PDE4D: variants seen among roughly 807,000 people sequenced by gnomAD.
The protein encoded by PDE4D is phosphodiesterase 4D, also known as 3',5'-cyclic-AMP phosphodiesterase 4D.
PDE4D carries 24 observed loss-of-function variants against 87.4 expected under a neutral mutation model. The observed-to-expected ratio is 0.27, with a 90% CI of 0.20 to 0.39. PDE4D has a LOEUF of 0.39. PDE4D is among the 10% of genes least tolerant of loss of function. The pLI is 1.00. For missense variants in PDE4D, 714 were observed against 1,041.0 expected (o/e 0.69, Z 4.32); for synonymous variants, 384 against 383.2 (o/e 1.00, Z -0.02).
intron 1 of PDE4D, among the ~76,000 whole-genome samples, chr5:59,797,336 A>C (rs1474106438): frequency 1.3e-5 from 2 of 152,218 alleles, no homozygotes; most frequent in East Asian, 1.9e-4. Context: ...TTGGCTTTGC[A>C]CTAAGAGGAT....
intron 1 of PDE4D, among the ~76,000 whole-genome samples, chr5:60,228,730 C>CAAAAAACA (rs1159510855): frequency 8.6e-5 from 13 of 151,344 alleles, no homozygotes; most frequent in African/African-American, 2.9e-4. Context: ...AAACAAAAAA[C>CAAAAAACA]AAAAAACAAA....
chr5:59,140,176 T>C (rs1366169077), intron 5 of PDE4D, among the ~76,000 whole-genome samples: 1 of 152,224 alleles, frequency 6.6e-6, no homozygotes, highest in African/African-American at 2.4e-5. Context: ...CTAGAGGACA[T>C]CATACTTCTC....
chr5:59,470,320 T>C lies in PDE4D; in HGVS notation c.456-254352A>G, dbSNP rs531975587. 2.5e-4 allele frequency among the ~76,000 whole-genome samples: 38 copies of C among 152,246 alleles called. 1 individual carries two copies. The highest frequency in any genetic ancestry group is 9.1e-4 in the African/African-American group (38 of 41,546). ...AGGAAAAAAAAAATCACACAAAATA[T>C]ATTATTTGAATTGGTCTGTGCCACT... On this transcript the variant is annotated intron_variant, in intron 1 of 14. Coordinates refer to ENST00000340635, the MANE Select transcript of PDE4D (RefSeq NM_001104631.2).
chr5:60,061,615 G>A (rs1462969914), intron 2 of PDE4D, among the ~76,000 whole-genome samples: 2 of 151,976 alleles, frequency 1.3e-5, no homozygotes, highest in South Asian at 2.1e-4. Flanking sequence ...AAAAGAGCCC[G>A]TATAGCCAAA....
chr5:59,467,736 A>C lies in PDE4D; in HGVS notation c.456-251768T>G, dbSNP rs377730178. On this transcript the variant is annotated intron_variant, in intron 1 of 14. Coordinates refer to ENST00000340635, the MANE Select transcript of PDE4D (RefSeq NM_001104631.2). ...ATTTTGTATGTTATTTCATATGTAC[A>C]CAGGAATTGTACATGGAAAATGAGA... is the stretch of plus-strand genomic sequence containing the variant. 4.5e-4 allele frequency among the ~76,000 whole-genome samples: 68 copies of C among 152,336 alleles called. No individual in the cohort carries two copies. In the South Asian group the frequency reaches 0.014, roughly 31 times the overall value.
intron 2 of PDE4D, among the ~76,000 whole-genome samples, chr5:60,021,496 G>A (rs1766063852): frequency 6.6e-6 from 1 of 152,196 alleles, no homozygotes. Flanking sequence ...TGGATGCAGA[G>A]TGCTGTGCAA....
chr5:60,451,803 C>T (rs558909258), intron 1 of PDE4D, among the ~76,000 whole-genome samples: 3 of 152,174 alleles, frequency 2.0e-5, no homozygotes, highest in East Asian at 3.9e-4. Flanking sequence ...GTTACATTAT[C>T]GGCTCAATAA....
intron 1 of PDE4D, among the ~76,000 whole-genome samples, chr5:60,235,922 C>A (rs1228003332): frequency 1.3e-5 from 2 of 151,836 alleles, no homozygotes; most frequent in Non-Finnish European, 2.9e-5. Flanking sequence ...AGGAATGAAA[C>A]AATTCATCCC....
chr5:59,693,977 C>G (rs76573022), intron 1 of PDE4D, among the ~76,000 whole-genome samples: 3,576 of 151,996 alleles, frequency 0.024, 108 homozygotes, highest in African/African-American at 0.071. Context: ...GAAATACAGG[C>G]AACTCAGAAA....
chr5:59,667,701 T>C (rs1246426674), intron 1 of PDE4D, among the ~76,000 whole-genome samples: 1 of 152,220 alleles, frequency 6.6e-6, no homozygotes, highest in Non-Finnish European at 1.5e-5. Context: ...CTTTGAAATT[T>C]CTGTAGCATC....
intron 1 of PDE4D, among the ~76,000 whole-genome samples, chr5:59,811,511 T>C (rs1768343779): frequency 6.6e-6 from 1 of 152,244 alleles, no homozygotes; most frequent in South Asian, 2.1e-4. Context: ...CTCCCTGACC[T>C]GGCTGGTCTT....
intron 1 of PDE4D, among the ~76,000 whole-genome samples, chr5:60,422,168 C>A (rs1001163474): frequency 6.6e-6 from 1 of 152,142 alleles, no homozygotes; most frequent in Non-Finnish European, 1.5e-5. Context: ...GGCAGGCCAA[C>A]ATTCAAATTC....
chr5:59,154,602 T>TG (rs1477065450), intron 5 of PDE4D, among the ~76,000 whole-genome samples: 1 of 152,106 alleles, frequency 6.6e-6, no homozygotes, highest in Non-Finnish European at 1.5e-5. Flanking sequence ...TGTATTCATT[T>TG]GGGGCCGAGC....
intron 5 of PDE4D, among the ~76,000 whole-genome samples, chr5:59,081,518 T>TTAAAAAAAAAAAAAAAAAAA (rs56306218): frequency 7.4e-6 from 1 of 135,434 alleles, no homozygotes; most frequent in Non-Finnish European, 1.6e-5. Context: ...AGTAATCAGG[T>TTAAAAAAAAAAAAAAAAAAA]AAAAAAAAAA....
intron 1 of PDE4D, among the ~76,000 whole-genome samples, chr5:59,389,538 G>C (rs1787814454): frequency 6.6e-6 from 1 of 151,982 alleles, no homozygotes; most frequent in Non-Finnish European, 1.5e-5. Context: ...AAACAGTATG[G>C]AAGTTTCTCA....
At chr5:59,737,350 C>T (rs1398615382) in intron 1 of PDE4D, among the ~76,000 whole-genome samples, 2 of 152,092 alleles carry the variant, frequency 1.3e-5, no homozygotes, top group Admixed American at 6.5e-5. Context: ...AATTCCCTAG[C>T]TTTGTTTATA....
At chr5:59,157,536 T>C (rs1163283888) in intron 5 of PDE4D, among the ~76,000 whole-genome samples, 1 of 152,190 alleles carries the variant, frequency 6.6e-6, no homozygotes, top group Non-Finnish European at 1.5e-5. Flanking sequence ...GAGGACCAGC[T>C]CCTGATCATA....
intron 1 of PDE4D, among the ~76,000 whole-genome samples, chr5:60,272,568 C>G (rs1382732562): frequency 6.6e-6 from 1 of 152,172 alleles, no homozygotes; most frequent in African/African-American, 2.4e-5. Context: ...GCAGTTTATT[C>G]TTCTCCAACC....
At chr5:60,490,878 A>AG (rs1246473245), upstream of PDE4D, 1 of 152,234 alleles carries the variant, frequency 6.6e-6, no homozygotes, top group African/African-American at 2.4e-5. Context: ...AATGATTGCT[A>AG]GGTCCATAAG....
Sources: allele counts gnomAD v4.1 joint callset (sites outside exome capture counted in the v4.1 genomes callset), GRCh38; gene constraint gnomAD v4.1.1; transcripts MANE v1.5; gene names NCBI Gene and HGNC (gene_info 2026-07-23, HGNC 2026-07-21).